Variants in EML4 observed in about 807,000 individuals in gnomAD.
EML4 encodes EMAP like 4, also known as echinoderm microtubule-associated protein-like 4.
EML4 carries 72 observed loss-of-function variants against 129.0 expected under a neutral mutation model. The ratio of observed to expected loss-of-function variants is 0.56; its 90% CI spans 0.46 to 0.68. The LOEUF (loss-of-function observed/expected upper bound fraction) is 0.68, where lower values mean the gene tolerates loss of function less well. EML4 is among the 30% of genes least tolerant of loss of function. The pLI is 0.00. For missense variants in EML4, 1,363 were observed against 1,190.6 expected (o/e 1.14, Z -2.13); for synonymous variants, 532 against 405.0 (o/e 1.31, Z -3.77).
rs1483325772 is a variant in EML4 at position 42,325,639 on chromosome 2, T to TATATATATGC, written c.2242+85_2242+86insATATATATGC. 10 of 197,940 alleles carry TATATATATGC rather than the reference T, an allele frequency of 5.1e-5. No homozygotes were observed. The East Asian group carries it at 6.8e-4, about 13-fold the overall frequency. 12.3% of individuals were successfully genotyped at this position (197,940 alleles called of 1,614,324 possible). A position where few individuals can be genotyped will look rare whatever the true frequency, so the allele number is the denominator to read the frequency against. On this transcript the variant is annotated intron_variant, in intron 20 of 22. Coordinates refer to ENST00000318522, the MANE Select transcript of EML4 (RefSeq NM_019063.5). ...ATATATATATATATATATATATATA[T>TATATATATGC]GCTAAGATGTGTCTGTCAGGGGCGC...
chr2:42,308,171 T>A (rs1364449199), intron 17 of EML4, among the ~76,000 whole-genome samples: 6 of 152,156 alleles, frequency 3.9e-5, no homozygotes, highest in Non-Finnish European at 8.8e-5. Context: ...GAGAAAAAAA[T>A]TAAACATATA....
intron 3 of EML4, among the ~76,000 whole-genome samples, chr2:42,259,277 A>G (rs969482768): frequency 6.6e-6 from 1 of 151,772 alleles, no homozygotes; most frequent in Non-Finnish European, 1.5e-5. Context: ...GGGGCGGCAG[A>G]GAAAAGAAAT....
chr2:42,182,910 C>T (rs1184975217), intron 1 of EML4, among the ~76,000 whole-genome samples: 1 of 152,116 alleles, frequency 6.6e-6, no homozygotes, highest in Non-Finnish European at 1.5e-5. Context: ...TCACTGGTGC[C>T]TGTGTGTCCA....
chr2:42,222,827 C>G (rs1673695603), intron 1 of EML4, among the ~76,000 whole-genome samples: 1 of 151,672 alleles, frequency 6.6e-6, no homozygotes, highest in African/African-American at 2.4e-5. Flanking sequence ...GAGATGGAGT[C>G]TCGCTTTGTC....
chr2:42,295,824 G>C (rs193005165), intron 13 of EML4, among the ~76,000 whole-genome samples: 103 of 152,296 alleles, frequency 6.8e-4, no homozygotes, highest in African/African-American at 2.4e-3. Context: ...CCCTGAGCTG[G>C]TTCTGGGATA....
At chr2:42,211,803 T>C (rs908809427) in intron 1 of EML4, among the ~76,000 whole-genome samples, 1 of 152,140 alleles carries the variant, frequency 6.6e-6, no homozygotes, top group African/African-American at 2.4e-5. Context: ...GCAAACGTAG[T>C]ATTTTCTTCC....
chr2:42,285,965 C>A, intron 9 of EML4: 1 of 328,692 alleles, frequency 3.0e-6, no homozygotes, highest in Non-Finnish European at 5.7e-6. Flanking sequence ...CCAATTTCTT[C>A]ATCTGTTAAA....
rs562567673 is a variant in EML4 at position 42,169,548 on chromosome 2, C to A, written c.-64C>A. ...CGGGTCAGGCTCAGCGTCGGCCACTCTGTCGGTCCGCTGAATGAAGTGCCC... is the reference window on the plus strand; with the variant it reads ...CGGGTCAGGCTCAGCGTCGGCCACTATGTCGGTCCGCTGAATGAAGTGCCC... On this transcript the variant is annotated 5_prime_UTR_variant, in exon 1 of 23. In the 5' UTR this introduces an upstream ATG that the reference lacks. Coordinates refer to ENST00000318522, the MANE Select transcript of EML4 (RefSeq NM_019063.5). The A allele has an allele frequency of 8.3e-6, 13 of 1,568,386 alleles. 1 individual carries two copies. In the South Asian group the frequency reaches 1.4e-4, roughly 16 times the overall value.
At position 42,316,028 on chromosome 2, in the gene EML4, C is replaced by G. The variant is rs371619922; in HGVS notation, c.2034C>G (p.Leu678=). 1.2e-6 allele frequency: 2 copies of G among 1,613,648 alleles called. No individual in the cohort carries two copies. Among genetic ancestry groups the G allele is most frequent in the Non-Finnish European group, 8.5e-7 (1 of 1,179,644 alleles). The part of the protein sequence containing the change: ...VSIHTDGNEQ[L]SVMRYSIDGT... ...TCCACACAGACGGGAATGAACAGCT[C>G]TCTGTGATGCGCTACTCAATAGGTA... The change falls in exon 18 of 23, where the codon CTC becomes CTG. Residue 678 remains leucine, a synonymous_variant. Transcript: ENST00000318522.
At chr2:42,319,961 C>T (rs1483145551) in intron 19 of EML4, 3 of 152,096 alleles carry the variant, frequency 2.0e-5, no homozygotes, top group African/African-American at 7.2e-5. Flanking sequence ...TTATAAATGT[C>T]TCTAATAAAA....
intron 1 of EML4, among the ~76,000 whole-genome samples, chr2:42,190,918 C>T (rs1413230890): frequency 6.6e-6 from 1 of 152,146 alleles, no homozygotes; most frequent in Non-Finnish European, 1.5e-5. Flanking sequence ...TTGAAAAATG[C>T]AAAAACCATT....
intron 19 of EML4, among the ~76,000 whole-genome samples, chr2:42,324,646 A>G (rs1348785418): frequency 1.3e-5 from 2 of 152,238 alleles, no homozygotes; most frequent in East Asian, 3.8e-4. Context: ...TTGAAAAAGC[A>G]CAGTAGAAAT....
chr2:42,196,579 C>T (rs1191572763), intron 1 of EML4, among the ~76,000 whole-genome samples: 2 of 152,194 alleles, frequency 1.3e-5, no homozygotes, highest in East Asian at 3.8e-4. Flanking sequence ...TCTGACTACA[C>T]TTAATCTGGC....
chr2:42,281,181 C>CAGT (rs1324437893), intron 7 of EML4, among the ~76,000 whole-genome samples: 3 of 152,012 alleles, frequency 2.0e-5, no homozygotes, highest in Non-Finnish European at 4.4e-5. Flanking sequence ...ATCACAAAGT[C>CAGT]AGTAGTTCAA....
At chr2:42,264,322 T>G (rs1013782184) in intron 5 of EML4, among the ~76,000 whole-genome samples, 2 of 152,058 alleles carry the variant, frequency 1.3e-5, no homozygotes, top group African/African-American at 4.8e-5. Flanking sequence ...TTTGCCATGT[T>G]GCCCAGGCTG....
intron 1 of EML4, among the ~76,000 whole-genome samples, chr2:42,215,094 G>C (rs1297317875): frequency 2.6e-5 from 4 of 152,074 alleles, no homozygotes; most frequent in Non-Finnish European, 4.4e-5. Flanking sequence ...GGGTCTCTTT[G>C]TGTCACCCAG....
At chr2:42,235,250 C>T (rs865775164) in intron 1 of EML4, among the ~76,000 whole-genome samples, 1 of 151,142 alleles carries the variant, frequency 6.6e-6, no homozygotes, top group African/African-American at 2.4e-5. Flanking sequence ...GAGCCGAGAT[C>T]GCACCACCGC....
chr2:42,221,936 A>G (rs112559960), intron 1 of EML4, among the ~76,000 whole-genome samples: 3,551 of 151,964 alleles, frequency 0.023, 71 homozygotes, highest in South Asian at 0.036. Flanking sequence ...GTGTTTCATC[A>G]TGTTGCCCAG....
At chr2:42,270,866 G>C (rs1666324271) in intron 6 of EML4, among the ~76,000 whole-genome samples, 2 of 152,160 alleles carry the variant, frequency 1.3e-5, no homozygotes, top group African/African-American at 2.4e-5. Context: ...ATTTCCAGTG[G>C]AGACACATAC....
Sources: gnomAD v4.1 joint callset for allele counts (sites outside exome capture counted in the v4.1 genomes callset) on GRCh38, gnomAD v4.1.1 for gene constraint, MANE v1.5 for transcripts, NCBI Gene and HGNC (gene_info 2026-07-23, HGNC 2026-07-21) for gene names.